The following KCTD5 variants were observed in gnomAD, a reference collection of about 807,000 sequenced individuals.
KCTD5 encodes the protein potassium channel tetramerization domain containing 5, also known as BTB/POZ domain-containing protein KCTD5.
In KCTD5, 12 loss-of-function variants were observed where a neutral mutation model predicts 27.9. That is an observed-to-expected ratio of 0.43 (90% CI 0.28 to 0.70). The LOEUF (loss-of-function observed/expected upper bound fraction) is 0.70. Ranked by LOEUF, KCTD5 falls within the 30% of genes least tolerant of loss-of-function variation. The probability of loss-of-function intolerance (pLI) is 0.19; values close to 1 mark genes in which losing one functional copy is unlikely to be tolerated. For missense variants in KCTD5, 226 were observed against 274.8 expected, an observed-to-expected ratio of 0.82 and a Z score of 1.26; for synonymous variants, 147 against 121.4, an observed-to-expected ratio of 1.21 and a Z score of -1.39.
At chr16:2,705,289 G>A (rs1325780701) in intron 5 of KCTD5, among the ~76,000 whole-genome samples, 7 of 152,204 alleles carry the variant, frequency 4.6e-5, no homozygotes, top group South Asian at 2.1e-4. Context: ...GACGAGAGCC[G>A]TCCGCACTCC....
chr16:2,705,578 C>A (rs1327783017), intron 5 of KCTD5, among the ~76,000 whole-genome samples: 3 of 152,272 alleles, frequency 2.0e-5, no homozygotes, highest in Admixed American at 2.0e-4. Flanking sequence ...GACAGCAGAC[C>A]CCTATCTCAG....
chr16:2,689,738 C>T (rs1411143645), intron 1 of KCTD5, among the ~76,000 whole-genome samples: 1 of 151,510 alleles, frequency 6.6e-6, no homozygotes, highest in Non-Finnish European at 1.5e-5. Flanking sequence ...GAGTGTAATG[C>T]ACAATTTTGG....
In KCTD5 at chr16:2,707,571, C is replaced by T. The variant is rs2067642664; in HGVS notation, c.*244C>T. On this transcript the variant is annotated 3_prime_UTR_variant, in exon 6 of 6. Transcript: ENST00000301738. ...TGGGCGCTGCCTCTTGGGGGGGCCT[C>T]GCTCTGTTTTTTCCAAGTGCCACGT... is the stretch of plus-strand genomic sequence containing the variant. 5 of 621,626 alleles carry T rather than the reference C, an allele frequency of 8.0e-6. No individual in the cohort carries two copies. Among genetic ancestry groups the T allele is most frequent in the East Asian group, 2.7e-5 (1 of 36,668 alleles). The allele number at this position is 621,626 out of a possible 1,614,324, so 38.5% of individuals were successfully genotyped here.
chr16:2,697,542 C>T (rs1032602454), intron 2 of KCTD5, among the ~76,000 whole-genome samples: 1 of 152,186 alleles, frequency 6.6e-6, no homozygotes, highest in Admixed American at 6.5e-5. Context: ...AGGGAAAATG[C>T]CAGATCCAAC....
intron 1 of KCTD5, 73 bp downstream of exon 1, chr16:2,682,873 G>C: frequency 6.8e-7 from 1 of 1,472,092 alleles, no homozygotes. Context: ...GCCCTGCTTC[G>C]TGCGGAGGAG....
At chr16:2,690,968 G>A (rs79185719) in intron 1 of KCTD5, among the ~76,000 whole-genome samples, 23,256 of 152,262 alleles carry the variant, frequency 0.15, 2,044 homozygotes, top group Middle Eastern at 0.29. Context: ...GCAGTGAGCT[G>A]CCGAGGCCCT....
In KCTD5 at chr16:2,702,237, C is replaced by T. The variant is rs184440556; in HGVS notation, c.550-116C>T. 95 of 1,305,636 alleles carry T rather than the reference C, an allele frequency of 7.3e-5. 1 individual carries two copies. In the African/African-American group the frequency reaches 9.3e-4, roughly 13 times the overall value. The allele number at this position is 1,305,636 out of a possible 1,614,324, so 80.9% of individuals were successfully genotyped here. ...GTTTTCCATCCATTTCCTGAAGCGT[C>T]GGCAGTCTTTGCTGTGGCTTTCGCG... On this transcript the variant is annotated intron_variant, in intron 4 of 5. Transcript: ENST00000301738.
At chr16:2,691,513 G>T (rs1225420289) in intron 1 of KCTD5, among the ~76,000 whole-genome samples, 1 of 152,242 alleles carries the variant, frequency 6.6e-6, no homozygotes, top group African/African-American at 2.4e-5. Context: ...AGAGGGCTGT[G>T]GGGGCAGCTG....
rs369760567 is a variant in KCTD5 at position 2,682,906 on chromosome 16, C to G, written c.252+106C>G. ...GAGACTTCAGCGGGAGCGGGCGACTCTCCTCGGGCTTCGAGCCCCGCGCTC... is the reference window on the plus strand; with the variant it reads ...GAGACTTCAGCGGGAGCGGGCGACTGTCCTCGGGCTTCGAGCCCCGCGCTC... On this transcript the variant is annotated intron_variant, in intron 1 of 5. Coordinates refer to ENST00000301738, the MANE Select transcript of KCTD5 (RefSeq NM_018992.4). 4.7e-5 allele frequency: 63 copies of G among 1,351,114 alleles called. No individual in the cohort carries two copies. The East Asian group carries it at 1.4e-3, about 31-fold the overall frequency. The allele number at this position is 1,351,114 out of a possible 1,614,324, so 83.7% of individuals were successfully genotyped here.
Position 2,699,835 on chromosome 16 carries a change from T to A in KCTD5, c.468T>A (p.His156Gln), listed in dbSNP as rs1271116620. The A allele has an allele frequency of 6.2e-7, 1 of 1,613,464 alleles. No individual in the cohort carries two copies. Among genetic ancestry groups the A allele is most frequent in the Non-Finnish European group, 8.5e-7 (1 of 1,179,794 alleles). The change falls in exon 4 of 6, where the codon CAT becomes CAA. Residue 156 changes from histidine (H) to glutamine (Q), a missense_variant. This residue lies in a region of KCTD5 where 135 missense variants were observed against 207.0 expected (regional missense o/e 0.65). Coordinates refer to ENST00000301738, the MANE Select transcript of KCTD5 (RefSeq NM_018992.4). ...TGTCCTTGCAGGTGCCTGTGAAGCA[T>A]GTGTACCGTGTGCTGCAGTGCCAGG... is the stretch of plus-strand genomic sequence containing the variant. ...DSKTSQVPVK[H>Q]VYRVLQCQEE...
In KCTD5 at chr16:2,697,958, A is replaced by G. The variant is rs1392792331; in HGVS notation, c.414A>G (p.Val138=). ...ATATCACCTCATTAATAAAACTTGT[A>G]AAGGACAAAATTAGAGAACGAGACA... ...FYNITSLIKL[V]KDKIRERDSK... The change falls in exon 3 of 6, where the codon GTA becomes GTG. Residue 138 remains valine (V), a synonymous_variant. Transcript: ENST00000301738. The G allele has an allele frequency of 6.2e-7, 1 of 1,612,374 alleles. No individual in the cohort carries two copies. The highest frequency in any genetic ancestry group is 8.5e-7 in the Non-Finnish European group (1 of 1,178,562).
rs2067545300 is a variant in KCTD5, at chr16:2,687,566, T to TTG, written c.252+4773_252+4774dup. ...GCAGAGATGCCCATTTGCTTACGGA[T>TTG]TGTGTGTGGCCGTTTTTGCTCTGAA... On this transcript the variant is annotated intron_variant, in intron 1 of 5. Transcript: ENST00000301738. Among the ~76,000 whole-genome samples the TTG allele has an allele frequency of 2.0e-5, 3 of 152,204 alleles. No homozygotes were observed. The South Asian group carries it at 6.2e-4, about 31-fold the overall frequency.
At chr16:2,702,057 C>T (rs1596225425) in intron 4 of KCTD5, among the ~76,000 whole-genome samples, 1 of 152,212 alleles carries the variant, frequency 6.6e-6, no homozygotes, top group Non-Finnish European at 1.5e-5. Context: ...CTCAGGGACC[C>T]GTCTGTGCTC....
intron 1 of KCTD5, among the ~76,000 whole-genome samples, chr16:2,688,243 A>ATATATATATATATATATT (rs1282831421): frequency 3.3e-4 from 21 of 64,222 alleles, no homozygotes; most frequent in African/African-American, 9.5e-4. Context: ...ATATATATAT[A>ATATATATATATATATATT]TATTTATTTA....
chr16:2,707,156 C>T, intron 5 of KCTD5, 142 bp from the exon 6 acceptor site: 1 of 697,988 alleles, frequency 1.4e-6, no homozygotes, highest in Non-Finnish European at 2.5e-6. Context: ...GCTGAGTCCC[C>T]AAGACCCTGG....
At chr16:2,704,439 T>C (rs897132646) in intron 5 of KCTD5, among the ~76,000 whole-genome samples, 3 of 152,196 alleles carry the variant, frequency 2.0e-5, no homozygotes, top group Non-Finnish European at 2.9e-5. Context: ...CGGGAGGGGT[T>C]GCACCTGTAG....
intron 1 of KCTD5, chr16:2,684,635 A>G (rs1461008919): frequency 6.6e-6 from 1 of 152,172 alleles, no homozygotes. Context: ...CGCGGTGGCG[A>G]GCACCTGTAG....
At chr16:2,690,649 C>T (rs2067562292) in intron 1 of KCTD5, among the ~76,000 whole-genome samples, 1 of 152,238 alleles carries the variant, frequency 6.6e-6, no homozygotes, top group African/African-American at 2.4e-5. Context: ...CAGCATCTCA[C>T]TGGCTTCCTG....
chr16:2,688,451 A>T (rs1471340321), intron 1 of KCTD5, among the ~76,000 whole-genome samples: 3 of 151,898 alleles, frequency 2.0e-5, no homozygotes, highest in Non-Finnish European at 2.9e-5. Context: ...GGGTTTTGCC[A>T]TGTTGGCCAG....
Sources: gnomAD v4.1 joint callset for allele counts (sites outside exome capture counted in the v4.1 genomes callset) on GRCh38, gnomAD v4.1.1 for gene constraint, gnomAD v4.1.1 regional missense constraint, MANE v1.5 for transcripts, NCBI Gene and HGNC (gene_info 2026-07-23, HGNC 2026-07-21) for gene names.